Variants in WDPCP observed in about 807,000 individuals in gnomAD.
WDPCP encodes the protein WD repeat-containing and planar cell polarity effector protein fritz homolog.
WDPCP carries 71 observed loss-of-function variants against 93.1 expected under a neutral mutation model. The observed-to-expected ratio is 0.76, with a 90% confidence interval of 0.63 to 0.93. The LOEUF (loss-of-function observed/expected upper bound fraction) is 0.93, where lower values mean the gene tolerates loss of function less well. WDPCP is among the 40% of genes least tolerant of loss of function. The pLI is 0.00. For missense variants in WDPCP, 844 were observed against 887.4 expected (o/e 0.95, Z 0.62); for synonymous variants, 315 against 315.0 (o/e 1.00, Z 0.00).
At chr2:63,655,370 G>C (rs1710155565) in intron 2 of WDPCP, among the ~76,000 whole-genome samples, 1 of 151,600 alleles carries the variant, frequency 6.6e-6, no homozygotes, top group Non-Finnish European at 1.5e-5. Flanking sequence ...AGAAATTCTA[G>C]TATTACAAAC....
intron 14 of WDPCP, among the ~76,000 whole-genome samples, chr2:63,176,131 G>C (rs1673784897): frequency 6.6e-6 from 1 of 152,118 alleles, no homozygotes; most frequent in Non-Finnish European, 1.5e-5. Flanking sequence ...TAATGAATGT[G>C]ACATGCTACC....
At chr2:63,409,830 G>A (rs756223975) in intron 9 of WDPCP, among the ~76,000 whole-genome samples, 4 of 151,952 alleles carry the variant, frequency 2.6e-5, no homozygotes, top group Non-Finnish European at 4.4e-5. Context: ...TCCAACAAAG[G>A]CAAAGAAAAA....
At chr2:63,437,072 A>G (rs1697183915) in intron 8 of WDPCP, among the ~76,000 whole-genome samples, 1 of 152,044 alleles carries the variant, frequency 6.6e-6, no homozygotes, top group African/African-American at 2.4e-5. Context: ...ATCCTACCCT[A>G]GAAAGATGAT....
chr2:63,675,860 T>C (rs1378659698), intron 2 of WDPCP, among the ~76,000 whole-genome samples: 1 of 152,196 alleles, frequency 6.6e-6, no homozygotes, highest in Non-Finnish European at 1.5e-5. Flanking sequence ...ATAGAAACTA[T>C]AATTTAATAA....
At chr2:63,454,998 A>G (rs1456729746) in intron 6 of WDPCP, among the ~76,000 whole-genome samples, 1 of 152,224 alleles carries the variant, frequency 6.6e-6, no homozygotes, top group Non-Finnish European at 1.5e-5. Flanking sequence ...AGACAAGCAA[A>G]TGCTGAAGCA....
intron 2 of WDPCP, among the ~76,000 whole-genome samples, chr2:63,703,994 G>T (rs13006655): frequency 1.3e-5 from 2 of 151,880 alleles, no homozygotes; most frequent in African/African-American, 4.8e-5. Context: ...GGTTTGTAGT[G>T]CTCCTTGAAG....
chr2:63,829,413 T>C (rs1327694941), upstream of WDPCP, among the ~76,000 whole-genome samples: 1 of 152,102 alleles, frequency 6.6e-6, no homozygotes, highest in African/African-American at 2.4e-5. Flanking sequence ...ACGCACGCAC[T>C]GCACTGCCAC....
At chr2:63,376,455 G>A (rs946590846) in intron 12 of WDPCP, among the ~76,000 whole-genome samples, 1 of 151,852 alleles carries the variant, frequency 6.6e-6, no homozygotes, top group Non-Finnish European at 1.5e-5. Flanking sequence ...GAGCATCCTA[G>A]AGCCAGCAGG....
intron 10 of WDPCP, among the ~76,000 whole-genome samples, chr2:63,396,595 A>G (rs772588673): frequency 6.6e-6 from 1 of 152,142 alleles, no homozygotes; most frequent in South Asian, 2.1e-4. Flanking sequence ...CACTAGTGCA[A>G]CTCAGCTGGG....
chr2:63,250,709 C>CAGTTA (rs1024068058), intron 14 of WDPCP, among the ~76,000 whole-genome samples: 1 of 152,074 alleles, frequency 6.6e-6, no homozygotes, highest in Non-Finnish European at 1.5e-5. Context: ...GATAAACAAA[C>CAGTTA]AGTTAAGTTT....
intron 2 of WDPCP, among the ~76,000 whole-genome samples, chr2:63,666,151 T>A (rs1171581412): frequency 2.6e-5 from 4 of 152,232 alleles, no homozygotes; most frequent in Non-Finnish European, 5.9e-5. Flanking sequence ...TGAATGTTAA[T>A]GTTATTTAAA....
chr2:63,143,998 T>G (rs529600049), intron 17 of WDPCP, among the ~76,000 whole-genome samples: 1 of 152,362 alleles, frequency 6.6e-6, no homozygotes, highest in African/African-American at 2.4e-5. Context: ...CTAGCAAGGC[T>G]GGGGAAGTTT....
chr2:63,321,585 G>T (rs551098015), intron 12 of WDPCP, among the ~76,000 whole-genome samples: 1 of 152,018 alleles, frequency 6.6e-6, no homozygotes, highest in Non-Finnish European at 1.5e-5. Context: ...GCTTTACGAA[G>T]ATTCCTATCA....
At chr2:63,588,985 G>A (rs1709079456), upstream of WDPCP, 5 of 1,613,820 alleles carry the variant, frequency 3.1e-6, no homozygotes, top group Admixed American at 1.7e-5. Flanking sequence ...CGGTAGAGGT[G>A]ACCTGACTCT....
At chr2:63,797,291 G>A (rs972316396) in intron 2 of WDPCP, among the ~76,000 whole-genome samples, 8 of 152,048 alleles carry the variant, frequency 5.3e-5, no homozygotes, top group Non-Finnish European at 1.2e-4. Flanking sequence ...GACTCTTTCT[G>A]CTTGAGAAAG....
chr2:63,421,963 T>C (rs924832755), intron 9 of WDPCP, among the ~76,000 whole-genome samples: 18 of 152,196 alleles, frequency 1.2e-4, no homozygotes, highest in African/African-American at 3.9e-4. Context: ...AATTAAAAAC[T>C]CTGTAGTCCT....
At chr2:63,413,667 G>A (rs891294991) in intron 9 of WDPCP, among the ~76,000 whole-genome samples, 7 of 152,018 alleles carry the variant, frequency 4.6e-5, no homozygotes, top group Non-Finnish European at 8.8e-5. Flanking sequence ...GTGTGGTGGC[G>A]GGAGCCTGTA....
intron 2 of WDPCP, among the ~76,000 whole-genome samples, chr2:63,810,342 C>A (rs1670845973): frequency 6.6e-6 from 1 of 152,180 alleles, no homozygotes; most frequent in Non-Finnish European, 1.5e-5. Context: ...ACAACCTCTT[C>A]AAGTTTTCTA....
At chr2:63,832,874 C>G in the WDPCP span, among the ~76,000 whole-genome samples, 12 of 152,174 alleles carry the variant, frequency 7.9e-5, no homozygotes, top group African/African-American at 2.9e-4. Flanking sequence ...ATAACAATAA[C>G]TTGAGATTAA....
Sources: allele counts gnomAD v4.1 joint callset (sites outside exome capture counted in the v4.1 genomes callset), GRCh38; gene constraint gnomAD v4.1.1; transcripts MANE v1.5; gene names NCBI Gene and HGNC (gene_info 2026-07-23, HGNC 2026-07-21).